MALRD1: variants seen among roughly 807,000 people sequenced by gnomAD.
MALRD1 encodes MAM and LDL receptor class A domain containing 1.
Under a neutral mutation model 242.1 loss-of-function variants are expected in MALRD1, and 247 were observed. The observed-to-expected ratio is 1.02, with a 90% CI of 0.92 to 1.13. The LOEUF is 1.13. Among genes scored for constraint, MALRD1 ranks in the 50% most tolerant of loss-of-function variants. The pLI, the probability that MALRD1 is intolerant of heterozygous loss-of-function variation, is 0.00. For synonymous variants in MALRD1, 995 were observed against 866.6 expected, an observed-to-expected ratio of 1.15 and a Z score of -2.60; for missense variants, 2,989 against 2,533.1, an observed-to-expected ratio of 1.18 and a Z score of -3.86.
intron 28 of MALRD1, among the ~76,000 whole-genome samples, chr10:19,413,323 C>A (rs537620459): frequency 2.0e-5 from 3 of 152,040 alleles, no homozygotes; most frequent in Non-Finnish European, 4.4e-5. Flanking sequence ...AACATTATTT[C>A]AAATTTAGGT....
chr10:19,351,029 G>T (rs1844352760), intron 25 of MALRD1, among the ~76,000 whole-genome samples: 1 of 152,152 alleles, frequency 6.6e-6, no homozygotes, highest in Admixed American at 6.5e-5. Context: ...TCATCAGTTG[G>T]GAGATGGGTA....
At chr10:19,657,080 A>G (rs890266645) in intron 36 of MALRD1, among the ~76,000 whole-genome samples, 27 of 152,244 alleles carry the variant, frequency 1.8e-4, no homozygotes, top group Middle Eastern at 3.4e-3. Context: ...TTTCAAATCT[A>G]TAGATCACAG....
At chr10:19,239,881 T>G (rs1365679117) in intron 18 of MALRD1, among the ~76,000 whole-genome samples, 1 of 152,204 alleles carries the variant, frequency 6.6e-6, no homozygotes, top group Non-Finnish European at 1.5e-5. Context: ...GGCAGTGCCA[T>G]GCTGTTTTGC....
Position 19,428,863 on chromosome 10 carries a change from A to T in MALRD1, c.4846-21444A>T, listed in dbSNP as rs528997227. Reference sequence around the variant, plus strand: ...ATTCCAGAGAAATAACCATAAATTCAAAGTCTAAAAAGCTCTGAAGCTCTT... The same window carrying T: ...ATTCCAGAGAAATAACCATAAATTCTAAGTCTAAAAAGCTCTGAAGCTCTT... On this transcript the variant is annotated intron_variant, in intron 28 of 39. Coordinates refer to ENST00000454679, the MANE Select transcript of MALRD1 (RefSeq NM_001142308.3). 1.4e-4 allele frequency among the ~76,000 whole-genome samples: 22 copies of T among 152,274 alleles called. 1 individual carries two copies. The South Asian group carries it at 4.3e-3, about 30-fold the overall frequency.
rs534026395 is a variant in MALRD1 at position 19,335,232 on chromosome 10, C to T, written c.3901+3650C>T. ...TAGATTTGAGTGGGCATATTCATACCGGTAATATTAGAGCAACAAAGCTGA... is the reference window on the plus strand; with the variant it reads ...TAGATTTGAGTGGGCATATTCATACTGGTAATATTAGAGCAACAAAGCTGA... On this transcript the variant is annotated intron_variant, in intron 24 of 39. Coordinates refer to ENST00000454679, the MANE Select transcript of MALRD1 (RefSeq NM_001142308.3). Among the ~76,000 whole-genome samples, 35 of 148,694 alleles carry T rather than the reference C, an allele frequency of 2.4e-4. No individual in the cohort carries two copies. The South Asian group carries it at 6.4e-3, about 27-fold the overall frequency.
rs1433140383 is a variant in MALRD1, at chr10:19,238,342, TTATAC to T, written c.2992-19341_2992-19337del. 7.9e-3 allele frequency among the ~76,000 whole-genome samples: 614 copies of T among 77,340 alleles called. 30 individuals carry two copies. Among genetic ancestry groups the T allele is most frequent in the African/African-American group, 0.03 (489 of 16,266 alleles). The allele number at this position is 77,340 out of a possible 152,430, so 50.7% of individuals were successfully genotyped here. Reference sequence around the variant, plus strand: ...CATAATGTATATTATACATAATATATTATACATAATATATAATACATAATATATAT... The same window carrying T: ...CATAATGTATATTATACATAATATATATAATATATAATACATAATATATAT... On this transcript the variant is annotated intron_variant, in intron 18 of 39. Coordinates refer to ENST00000454679, the MANE Select transcript of MALRD1 (RefSeq NM_001142308.3).
At chr10:19,313,970 A>G (rs1455360338) in intron 21 of MALRD1, among the ~76,000 whole-genome samples, 1 of 151,556 alleles carries the variant, frequency 6.6e-6, no homozygotes, top group Non-Finnish European at 1.5e-5. Flanking sequence ...AGAGAAATCT[A>G]AAAGCACTCT....
At chr10:19,199,501 A>G (rs573369051) in intron 14 of MALRD1, among the ~76,000 whole-genome samples, 1 of 152,238 alleles carries the variant, frequency 6.6e-6, no homozygotes, top group Non-Finnish European at 1.5e-5. Context: ...TATTTCTCAT[A>G]TCTAAAATAA....
intron 19 of MALRD1, among the ~76,000 whole-genome samples, chr10:19,262,157 T>G (rs556297962): frequency 1.7e-3 from 259 of 152,326 alleles, no homozygotes; most frequent in Non-Finnish European, 2.8e-3. Context: ...GAATTATACC[T>G]GATTTGTTTC....
intron 24 of MALRD1, among the ~76,000 whole-genome samples, chr10:19,334,034 A>G (rs1189576191): frequency 6.6e-6 from 1 of 151,258 alleles, no homozygotes; most frequent in Non-Finnish European, 1.5e-5. Flanking sequence ...TTATGGATTC[A>G]GGAAAGTAGA....
chr10:19,334,127 T>TTG (rs969776641), intron 24 of MALRD1, among the ~76,000 whole-genome samples: 2 of 147,038 alleles, frequency 1.4e-5, no homozygotes, highest in African/African-American at 2.5e-5. Flanking sequence ...AGGTTTTTTT[T>TTG]TTTTTTTTTT....
chr10:19,662,981 C>T (rs1841513584), intron 36 of MALRD1, among the ~76,000 whole-genome samples: 1 of 151,774 alleles, frequency 6.6e-6, no homozygotes, highest in Non-Finnish European at 1.5e-5. Flanking sequence ...CTTGAGTGGC[C>T]CTGTAGTGGG....
intron 10 of MALRD1, among the ~76,000 whole-genome samples, chr10:19,138,270 A>G (rs374804522): frequency 6.6e-5 from 10 of 152,268 alleles, no homozygotes; most frequent in African/African-American, 2.4e-4. Flanking sequence ...ATTTACTCCA[A>G]TGTATGTGAA....
intron 19 of MALRD1, among the ~76,000 whole-genome samples, chr10:19,275,585 T>C (rs548570588): frequency 2.7e-4 from 41 of 151,988 alleles, no homozygotes; most frequent in Non-Finnish European, 4.0e-4. Context: ...AGGAGAATGG[T>C]GTGAACCCGG....
chr10:19,555,949 A>T (rs1277274332), intron 32 of MALRD1, among the ~76,000 whole-genome samples: 2 of 152,168 alleles, frequency 1.3e-5, no homozygotes, highest in African/African-American at 4.8e-5. Flanking sequence ...TTAACGGAAC[A>T]AGTGATTATT....
At chr10:19,490,125 T>A (rs2131212829) in intron 29 of MALRD1, among the ~76,000 whole-genome samples, 1 of 152,254 alleles carries the variant, frequency 6.6e-6, no homozygotes, top group South Asian at 2.1e-4. Flanking sequence ...GGTTTTTAGA[T>A]TTTTGGTACA....
chr10:19,451,575 A>G (rs543420235), intron 29 of MALRD1, among the ~76,000 whole-genome samples: 190 of 152,282 alleles, frequency 1.2e-3, no homozygotes, highest in Non-Finnish European at 2.5e-3. Flanking sequence ...GTGGTTTTCT[A>G]TACTGATTCA....
intron 18 of MALRD1, among the ~76,000 whole-genome samples, chr10:19,231,392 C>T (rs964840287): frequency 5.9e-5 from 9 of 152,154 alleles, no homozygotes; most frequent in African/African-American, 2.2e-4. Flanking sequence ...GGAATCTGGC[C>T]TCAGACAGGT....
chr10:19,410,942 T>C (rs4573593), intron 28 of MALRD1, among the ~76,000 whole-genome samples: 107,910 of 151,964 alleles, frequency 0.71, 38,725 homozygotes, highest in African/African-American at 0.78. Context: ...TATGACCATG[T>C]GGATTTTTTC....
Sources: allele counts gnomAD v4.1 joint callset (sites outside exome capture counted in the v4.1 genomes callset), GRCh38; gene constraint gnomAD v4.1.1; transcripts MANE v1.5; gene names NCBI Gene and HGNC (gene_info 2026-07-23, HGNC 2026-07-21).